ARR3: variants seen among roughly 807,000 people sequenced by gnomAD.
The protein encoded by ARR3 is arrestin 3, also known as arrestin-C.
A neutral mutation model predicts 35.4 loss-of-function variants in ARR3; 14 were observed. The ratio of observed to expected loss-of-function variants is 0.40; its 90% confidence interval spans 0.26 to 0.62. The LOEUF is 0.62. ARR3 is among the 20% of genes least tolerant of loss of function. The pLI is 0.46. For synonymous variants in ARR3, 97 were observed against 119.1 expected (o/e 0.81, Z 1.21); for missense variants, 259 against 303.8 (o/e 0.85, Z 1.10).
At chrX:70,280,163 A>C (rs1423433522) in intron 12 of ARR3, 32 bp from the exon 13 acceptor site, 1 of 1,177,718 alleles carries the variant, frequency 8.5e-7, no homozygotes, top group East Asian at 3.0e-5. Flanking sequence ...TTCATGCCCC[A>C]AACACCCTAA....
intron 12 of ARR3, among the ~76,000 whole-genome samples, 171 bp from the exon 13 acceptor site, chrX:70,280,023 AG>A (rs2085672062): frequency 8.9e-6 from 1 of 111,909 alleles, no homozygotes; most frequent in Non-Finnish European, 1.9e-5. Context: ...AGTGAATGTC[AG>A]GAAGAGAAAT....
At chrX:70,272,368 C>G (rs1044374199) in intron 5 of ARR3, among the ~76,000 whole-genome samples, 2 of 111,825 alleles carry the variant, frequency 1.8e-5, no homozygotes, top group Admixed American at 9.5e-5. Flanking sequence ...TGTAACCTTA[C>G]CATCTTTAAT....
intron 8 of ARR3, 106 bp from the exon 9 acceptor site, chrX:70,277,288 C>A: frequency 9.5e-7 from 1 of 1,050,535 alleles, no homozygotes; most frequent in East Asian, 3.1e-5. Context: ...GGGAGGCCTT[C>A]CCCTGCTCCC....
chrX:70,277,876 C>T, intron 10 of ARR3, 76 bp downstream of exon 10: 2 of 989,958 alleles, frequency 2.0e-6, no homozygotes, highest in Admixed American at 5.0e-5. Context: ...TCTCACTTAC[C>T]TGTCTGCATT....
At position 70,280,467 on chromosome X, in the gene ARR3, C is replaced by T. The variant is rs1414200055; in HGVS notation, c.990-92C>T. ...CCAGAAACCCATTCTGTGGCTGGCT[C>T]ATTAGGTCTTATGATCCCTCATCCC... On this transcript the variant is annotated intron_variant, in intron 13 of 16. Coordinates refer to ENST00000307959, the MANE Select transcript of ARR3 (RefSeq NM_004312.3). The T allele has an allele frequency of 2.8e-6, 3 of 1,052,739 alleles. No homozygotes were observed. The Admixed American group carries it at 8.4e-5, about 29-fold the overall frequency. The allele number at this position is 1,052,739 out of a possible 1,213,427, so 86.8% of individuals were successfully genotyped here.
At chrX:70,277,637 G>A (rs1465383695) in intron 9 of ARR3, 79 bp from the exon 10 acceptor site, 6 of 1,167,406 alleles carry the variant, frequency 5.1e-6, no homozygotes, top group South Asian at 3.8e-5. Flanking sequence ...TGGCAATAGC[G>A]CTAAGGAAGC....
At chrX:70,277,688 T>C in intron 9 of ARR3, 28 bp from the exon 10 acceptor site, 3 of 1,199,794 alleles carry the variant, frequency 2.5e-6, no homozygotes, top group African/African-American at 3.5e-5. Flanking sequence ...TCCTCCAGCC[T>C]TGACATGGGT....
At chrX:70,269,511 C>A in intron 2 of ARR3, 118 bp downstream of exon 2, 1 of 956,823 alleles carries the variant, frequency 1.0e-6, no homozygotes, top group South Asian at 2.3e-5. Flanking sequence ...TGGATTCTAC[C>A]CCAATTATCC....
intron 12 of ARR3, 99 bp from the exon 13 acceptor site, chrX:70,280,096 A>T: frequency 1.3e-6 from 1 of 776,636 alleles, no homozygotes; most frequent in Non-Finnish European, 1.9e-6. Context: ...GACTAAACAT[A>T]ATAGGGTGTG....
At position 70,276,136 on chromosome X, in the gene ARR3, T is replaced by C. The variant is rs2085651672; in HGVS notation, c.200T>C (p.Ile67Thr). The change falls in exon 6 of 17, where the codon ATT becomes ACT. Residue 67 changes from isoleucine to threonine, a missense_variant. Physicochemically the swap from Ile to Thr is moderately conservative, Grantham distance 89 (BLOSUM62 -1). Coordinates refer to ENST00000307959, the MANE Select transcript of ARR3 (RefSeq NM_004312.3). ...FRYGRDDLEV[I>T]GLTFRKDLYV... Reference sequence around the variant, plus strand: ...TATGGCCGTGATGACTTGGAAGTGATTGGTCTGACGTTCCGAAAAGATCTG... The same window carrying C: ...TATGGCCGTGATGACTTGGAAGTGACTGGTCTGACGTTCCGAAAAGATCTG... 7 of 1,210,235 alleles carry C rather than the reference T, an allele frequency of 5.8e-6. No individual in the cohort carries two copies. The Admixed American group carries it at 1.3e-4, about 23-fold the overall frequency.
chrX:70,273,709 T>C (rs908119399), intron 5 of ARR3, among the ~76,000 whole-genome samples: 1 of 111,526 alleles, frequency 9.0e-6, no homozygotes, highest in Non-Finnish European at 1.9e-5. Flanking sequence ...TGTTTTGAGG[T>C]CTAAATGGCA....
chrX:70,272,897 G>A (rs746323393), intron 5 of ARR3, among the ~76,000 whole-genome samples: 8 of 112,247 alleles, frequency 7.1e-5, no homozygotes, highest in Non-Finnish European at 1.3e-4. Flanking sequence ...CTACTCAAGT[G>A]CTGCTGTTGG....
chrX:70,277,543 AC>A lies in ARR3; in HGVS notation c.609+15del. On this transcript the variant is annotated intron_variant, in intron 9 of 16. Transcript: ENST00000307959. ...ATGGACAGGGAGGTTTGTGACCCCC[AC>A]TTTTTGCCTCCCACCCCAGAACCCC... The A allele has an allele frequency of 8.3e-7, 1 of 1,205,349 alleles. No homozygotes were observed. The highest frequency in any genetic ancestry group is 2.3e-4 in the Middle Eastern group (1 of 4,299).
chrX:70,269,902 T>C lies in ARR3; in HGVS notation c.99T>C (p.Ile33=), dbSNP rs1324845516. Residue 33 remains isoleucine (I), a splice_region_variant and synonymous_variant, in exon 4 of 17, where the codon ATT becomes ATC. Coordinates refer to ENST00000307959, the MANE Select transcript of ARR3 (RefSeq NM_004312.3). The part of the protein sequence containing the change: ...FVDHVDTVEP[I]DGVVLVDPEY... ...ACCATGTGGACACGGTGGAACCCAT[T>C]GGTCAGTGAGTCCAAAAAAGGGAAG... is the stretch of plus-strand genomic sequence containing the variant. 1 of 1,208,025 alleles carries C rather than the reference T, an allele frequency of 8.3e-7. No individual in the cohort carries two copies.
chrX:70,277,322 T>C (rs1381078049), intron 8 of ARR3, 72 bp from the exon 9 acceptor site: 2 of 1,155,667 alleles, frequency 1.7e-6, no homozygotes, highest in African/African-American at 3.6e-5. Context: ...AATTGGACTA[T>C]GGGGGTGGCA....
At position 70,277,503 on chromosome X, in the gene ARR3, C is replaced by T. The variant is rs1463973725; in HGVS notation, c.583C>T (p.Gln195Ter). 8.3e-7 allele frequency: 1 copy of T among 1,211,516 alleles called. No individual in the cohort carries two copies. ...RRFLLSAQPL[Q>*]LQAWMDREVH... is the part of the protein sequence containing the mutation. Reference sequence around the variant, plus strand: ...CTTCCTTCTGTCAGCTCAGCCCCTACAACTCCAGGCCTGGATGGACAGGGA... The same window carrying T: ...CTTCCTTCTGTCAGCTCAGCCCCTATAACTCCAGGCCTGGATGGACAGGGA... The change falls in exon 9 of 17, where the codon CAA becomes TAA. Residue 195 changes from glutamine to a stop codon, truncating the protein, a stop_gained. Coordinates refer to ENST00000307959, the MANE Select transcript of ARR3 (RefSeq NM_004312.3). LOFTEE classifies it high-confidence loss of function.
At chrX:70,275,729 A>G (rs1309581730) in intron 5 of ARR3, among the ~76,000 whole-genome samples, 1 of 88,197 alleles carries the variant, frequency 1.1e-5, no homozygotes, top group Non-Finnish European at 2.1e-5. Flanking sequence ...GAGGGCAGTG[A>G]CACGATCTCG....
intron 5 of ARR3, among the ~76,000 whole-genome samples, chrX:70,274,255 G>C (rs925438770): frequency 9.5e-6 from 1 of 105,259 alleles, no homozygotes; most frequent in South Asian, 4.6e-4. Context: ...CCACTGGAGG[G>C]CAGTGGTGCA....
intron 5 of ARR3, among the ~76,000 whole-genome samples, chrX:70,274,758 G>C (rs1420284890): frequency 8.9e-6 from 1 of 111,970 alleles, no homozygotes; most frequent in Non-Finnish European, 1.9e-5. Context: ...ATGGTGGAAG[G>C]TGGAAGGGCA....
Sources: allele counts gnomAD v4.1 joint callset (sites outside exome capture counted in the v4.1 genomes callset), GRCh38; gene constraint gnomAD v4.1.1; transcripts MANE v1.5; gene names NCBI Gene and HGNC (gene_info 2026-07-23, HGNC 2026-07-21).